The following GLIPR1L1 variants were observed in gnomAD, a reference collection of about 807,000 sequenced individuals.
GLIPR1L1 encodes the protein GLIPR1 like 1.
A neutral mutation model predicts 29.9 loss-of-function variants in GLIPR1L1; 26 were observed. The observed-to-expected ratio is 0.87, with a 90% CI of 0.64 to 1.21. GLIPR1L1 has a LOEUF of 1.21. Ranked by LOEUF, GLIPR1L1 falls within the 50% of genes most tolerant of loss-of-function variation. The probability of loss-of-function intolerance (pLI) is 0.00; values close to 1 mark genes in which losing one functional copy is unlikely to be tolerated. For synonymous variants in GLIPR1L1, 77 were observed against 97.5 expected (o/e 0.79, Z 1.24); for missense variants, 305 against 290.3 (o/e 1.05, Z -0.37).
At chr12:75,367,984 A>G (rs2044099989) in intron 4 of GLIPR1L1, among the ~76,000 whole-genome samples, 1 of 152,078 alleles carries the variant, frequency 6.6e-6, no homozygotes, top group African/African-American at 2.4e-5. Flanking sequence ...TATTTTGCTG[A>G]GTTTTTAATT....
chr12:75,355,343 T>C (rs903489676), intron 3 of GLIPR1L1, among the ~76,000 whole-genome samples: 2 of 152,178 alleles, frequency 1.3e-5, no homozygotes, highest in African/African-American at 4.8e-5. Context: ...AAATAAGACA[T>C]TTATGCAGCC....
At chr12:75,361,728 A>T (rs1329740640) in intron 3 of GLIPR1L1, among the ~76,000 whole-genome samples, 4 of 152,140 alleles carry the variant, frequency 2.6e-5, no homozygotes, top group Non-Finnish European at 5.9e-5. Flanking sequence ...AAACCATCAG[A>T]TCTCAGTAGA....
chr12:75,364,088 T>C (rs372780770), intron 4 of GLIPR1L1, among the ~76,000 whole-genome samples: 5 of 152,342 alleles, frequency 3.3e-5, no homozygotes, highest in Admixed American at 2.0e-4. Context: ...GATATCAGGC[T>C]TCTGAGAGAC....
chr12:75,356,900 G>T (rs573428386), intron 3 of GLIPR1L1, among the ~76,000 whole-genome samples: 1 of 152,136 alleles, frequency 6.6e-6, no homozygotes, highest in East Asian at 1.9e-4. Context: ...GTCAAAGAAG[G>T]CTACAGTGCT....
Position 75,363,239 on chromosome 12 carries a change from A to C in GLIPR1L1, c.610+49A>C, listed in dbSNP as rs989016639. The C allele has an allele frequency of 7.0e-6, 6 of 858,732 alleles. No individual in the cohort carries two copies. The African/African-American group carries it at 1.1e-4, about 15-fold the overall frequency. The allele number at this position is 858,732 out of a possible 1,614,324, so 53.2% of individuals were successfully genotyped here. ...ATTACATTTAGAGAGTAAAGTTTCC[A>C]TATATTTATTAAATTTTAAAATTTG... On this transcript the variant is annotated intron_variant, in intron 4 of 5. Coordinates refer to ENST00000378695, the MANE Select transcript of GLIPR1L1 (RefSeq NM_001304964.2).
At chr12:75,343,302 C>G (rs1339840506) in intron 1 of GLIPR1L1, among the ~76,000 whole-genome samples, 2 of 151,772 alleles carry the variant, frequency 1.3e-5, no homozygotes, top group Non-Finnish European at 2.9e-5. Context: ...GGGATTTTTT[C>G]TTTCTATTCC....
chr12:75,351,308 A>T (rs2042792966), intron 3 of GLIPR1L1, among the ~76,000 whole-genome samples: 1 of 152,192 alleles, frequency 6.6e-6, no homozygotes, highest in South Asian at 2.1e-4. Context: ...AAGAAAGGTC[A>T]ACATTCAAAT....
chr12:75,363,051 A>T, intron 3 of GLIPR1L1, 51 bp from the exon 4 acceptor site: 1 of 948,420 alleles, frequency 1.1e-6, no homozygotes, highest in Non-Finnish European at 1.6e-6. Flanking sequence ...CATGAACAAA[A>T]TTGGAGAAAT....
chr12:75,346,341 G>T (rs373831031), intron 2 of GLIPR1L1, among the ~76,000 whole-genome samples: 1 of 151,848 alleles, frequency 6.6e-6, no homozygotes, highest in Non-Finnish European at 1.5e-5. Flanking sequence ...AACTACCTCA[G>T]AATTGATCTG....
intron 1 of GLIPR1L1, among the ~76,000 whole-genome samples, chr12:75,340,741 A>C (rs2042047237): frequency 6.6e-6 from 1 of 151,868 alleles, no homozygotes; most frequent in Admixed American, 6.6e-5. Flanking sequence ...GTAAAAAAAA[A>C]AAAGAAAAAA....
chr12:75,343,987 A>G, intron 2 of GLIPR1L1, 49 bp downstream of exon 2: 1 of 1,438,776 alleles, frequency 7.0e-7, no homozygotes, highest in Non-Finnish European at 9.5e-7. Context: ...TGCATATTTT[A>G]ATTGCCAGAA....
At chr12:75,349,851 T>G (rs1035471286) in intron 3 of GLIPR1L1, among the ~76,000 whole-genome samples, 1 of 152,188 alleles carries the variant, frequency 6.6e-6, no homozygotes. Flanking sequence ...TTATCCAAGA[T>G]AGAATCCATA....
In GLIPR1L1 at chr12:75,370,220, G is replaced by A. The variant is rs1217279022; in HGVS notation, c.*44G>A. 9.9e-7 allele frequency: 1 copy of A among 1,014,206 alleles called. No homozygotes were observed. Among genetic ancestry groups the A allele is most frequent in the East Asian group, 2.4e-5 (1 of 40,974 alleles). The allele number at this position is 1,014,206 out of a possible 1,614,324, so 62.8% of individuals were successfully genotyped here. ...GAAATTCTCAAATGTTAAAATAAAG[G>A]AATAGTTTATTGCTTAATATAACTT... On this transcript the variant is annotated 3_prime_UTR_variant, in exon 6 of 6. Coordinates refer to ENST00000378695, the MANE Select transcript of GLIPR1L1 (RefSeq NM_001304964.2).
chr12:75,348,176 T>C (rs1166226162), intron 3 of GLIPR1L1, among the ~76,000 whole-genome samples: 1 of 152,162 alleles, frequency 6.6e-6, no homozygotes, highest in Non-Finnish European at 1.5e-5. Context: ...AAATATAGCA[T>C]AAGCTTAAAG....
chr12:75,346,729 T>C (rs1475431854), intron 2 of GLIPR1L1, among the ~76,000 whole-genome samples: 1 of 152,200 alleles, frequency 6.6e-6, no homozygotes, highest in Non-Finnish European at 1.5e-5. Flanking sequence ...TGGTAAAATA[T>C]ATTTTGCAAA....
intron 3 of GLIPR1L1, among the ~76,000 whole-genome samples, chr12:75,357,832 G>A (rs924610466): frequency 2.0e-5 from 3 of 151,290 alleles, no homozygotes; most frequent in Non-Finnish European, 3.0e-5. Context: ...AAGAACATAC[G>A]GGATGCTATT....
At chr12:75,340,956 T>C (rs967793105) in intron 1 of GLIPR1L1, among the ~76,000 whole-genome samples, 15 of 151,808 alleles carry the variant, frequency 9.9e-5, no homozygotes, top group African/African-American at 2.9e-4. Flanking sequence ...ATGGAGAAAA[T>C]TGATCAGTCT....
At chr12:75,344,209 TCTCA>T (rs1303467129) in intron 2 of GLIPR1L1, among the ~76,000 whole-genome samples, 6 of 152,114 alleles carry the variant, frequency 3.9e-5, no homozygotes, top group African/African-American at 1.4e-4. Context: ...TACTTCTTTC[TCTCA>T]CTCTCTCTCT....
rs765210727 is a variant in GLIPR1L1 at position 75,334,819 on chromosome 12, CCA to C, written c.95_96del (p.His32LeufsTer30). 5.6e-6 allele frequency: 9 copies of C among 1,614,068 alleles called. No individual in the cohort carries two copies. The highest frequency in any genetic ancestry group is 7.6e-6 in the Non-Finnish European group (9 of 1,179,988). ...TTCCAAAATCCCATCCATCACTGAC[CCA>C]CACTTTATAGACAACTGCATAGAAG... ...TSSKIPSITD[P>X]HFIDNCIEAH... On this transcript the variant is annotated frameshift_variant, in exon 1 of 6. Transcript: ENST00000378695. LOFTEE classifies it high-confidence loss of function.
Sources: allele counts gnomAD v4.1 joint callset (sites outside exome capture counted in the v4.1 genomes callset), GRCh38; gene constraint gnomAD v4.1.1; transcripts MANE v1.5; gene names NCBI Gene and HGNC (gene_info 2026-07-23, HGNC 2026-07-21).